The following DGKI variants were observed in gnomAD, a reference collection of about 807,000 sequenced individuals.
DGKI encodes DAG kinase iota.
In DGKI, 55 loss-of-function variants were observed where a neutral mutation model predicts 147.5. The observed-to-expected ratio is 0.37, with a 90% CI of 0.30 to 0.47. The LOEUF is 0.47. Among genes scored for constraint, DGKI ranks in the 20% least tolerant of loss-of-function variants. DGKI has a pLI of 1.00. For missense variants in DGKI, 1,007 were observed against 1,323.8 expected (o/e 0.76, Z 3.71); for synonymous variants, 469 against 477.1 (o/e 0.98, Z 0.22).
At chr7:137,469,347 C>T (rs769357097) in intron 24 of DGKI, among the ~76,000 whole-genome samples, 1 of 152,174 alleles carries the variant, frequency 6.6e-6, no homozygotes, top group South Asian at 2.1e-4. Context: ...GTTAACCAAG[C>T]TGTGTTGAGG....
At chr7:137,603,537 C>T (rs1302967521) in intron 10 of DGKI, among the ~76,000 whole-genome samples, 3 of 152,058 alleles carry the variant, frequency 2.0e-5, no homozygotes, top group Non-Finnish European at 2.9e-5. Flanking sequence ...CCATGTGTAC[C>T]GTCGGGATCT....
In DGKI at chr7:137,650,711, G is replaced by A. The variant is rs1309353397; in HGVS notation, c.738+4021C>T. Among the ~76,000 whole-genome samples the A allele has an allele frequency of 3.3e-5, 5 of 152,178 alleles. No individual in the cohort carries two copies. In the South Asian group the frequency reaches 1.0e-3, roughly 32 times the overall value. ...GCCCTCACTAGAATTGGACCACGCT[G>A]GTACATTGATCTTGGACTTCCAGCT... is the stretch of plus-strand genomic sequence containing the variant. On this transcript the variant is annotated intron_variant, in intron 5 of 32. Transcript: ENST00000614521.
chr7:137,393,207 T>C (rs1291407910), intron 32 of DGKI, among the ~76,000 whole-genome samples: 1 of 132,410 alleles, frequency 7.6e-6, no homozygotes, highest in Non-Finnish European at 1.7e-5. Context: ...TTTATAATTA[T>C]AAAAACAAGC....
intron 17 of DGKI, among the ~76,000 whole-genome samples, chr7:137,576,328 G>A (rs1178715551): frequency 2.6e-5 from 4 of 152,006 alleles, no homozygotes; most frequent in South Asian, 2.1e-4. Flanking sequence ...ATGAGCCACC[G>A]CGCCTGGCCC....
intron 1 of DGKI, among the ~76,000 whole-genome samples, chr7:137,834,491 TTC>T (rs1798307102): frequency 6.6e-6 from 1 of 152,232 alleles, no homozygotes; most frequent in Non-Finnish European, 1.5e-5. Context: ...GTATTACTTC[TTC>T]TGAGTCTGAC....
At chr7:137,762,530 G>GT (rs1287382096) in intron 1 of DGKI, among the ~76,000 whole-genome samples, 4 of 152,162 alleles carry the variant, frequency 2.6e-5, no homozygotes, top group Non-Finnish European at 4.4e-5. Flanking sequence ...TTGCAAATTG[G>GT]TTTTCCATGT....
chr7:137,493,906 C>T (rs1233182546), intron 21 of DGKI: 2 of 614,220 alleles, frequency 3.3e-6, no homozygotes, highest in South Asian at 1.9e-5. Context: ...AGAAAGTTAA[C>T]ACCCAATCCA....
chr7:137,721,581 G>T (rs1794559812), intron 1 of DGKI, among the ~76,000 whole-genome samples: 1 of 152,106 alleles, frequency 6.6e-6, no homozygotes, highest in African/African-American at 2.4e-5. Flanking sequence ...CCCTCCACCT[G>T]CTTGCTTTCC....
intron 27 of DGKI, among the ~76,000 whole-genome samples, chr7:137,444,415 C>A (rs1585121044): frequency 6.6e-6 from 1 of 152,162 alleles, no homozygotes; most frequent in Non-Finnish European, 1.5e-5. Flanking sequence ...AGATGAAATC[C>A]TGTGATGTGT....
At chr7:137,572,306 G>T (rs375477711) in intron 18 of DGKI, among the ~76,000 whole-genome samples, 1 of 152,296 alleles carries the variant, frequency 6.6e-6, no homozygotes, top group African/African-American at 2.4e-5. Context: ...ATCCTGGCTA[G>T]AAAACAATAC....
At chr7:137,576,597 T>C (rs939574745) in intron 17 of DGKI, among the ~76,000 whole-genome samples, 2 of 152,174 alleles carry the variant, frequency 1.3e-5, no homozygotes, top group African/African-American at 4.8e-5. Flanking sequence ...AAGATAAATT[T>C]CTCTCTCCCT....
At chr7:137,642,594 T>C (rs1331258596) in intron 6 of DGKI, among the ~76,000 whole-genome samples, 1 of 152,144 alleles carries the variant, frequency 6.6e-6, no homozygotes, top group African/African-American at 2.4e-5. Context: ...TGAATGACAA[T>C]GAAAAACCAC....
chr7:137,392,837 G>A (rs1274588901), intron 32 of DGKI, among the ~76,000 whole-genome samples: 2 of 127,084 alleles, frequency 1.6e-5, no homozygotes, highest in African/African-American at 6.0e-5. Context: ...TTCTCAGGAT[G>A]CTGCTTCTCT....
chr7:137,811,211 T>C (rs1797557365), intron 1 of DGKI, among the ~76,000 whole-genome samples: 1 of 152,128 alleles, frequency 6.6e-6, no homozygotes, highest in Admixed American at 6.5e-5. Flanking sequence ...ACTCCTTACC[T>C]ACTGCTGTCA....
chr7:137,821,711 T>C lies in DGKI; in HGVS notation c.401+24751A>G, dbSNP rs537320060. On this transcript the variant is annotated intron_variant, in intron 1 of 32. Coordinates refer to ENST00000614521, the MANE Select transcript of DGKI (RefSeq NM_001321708.2). Reference sequence around the variant, plus strand: ...AGGAGATGACAATAAAAGAGACAGATGACAACCTTTTTGGAAGCTGCGAAG... The same window carrying C: ...AGGAGATGACAATAAAAGAGACAGACGACAACCTTTTTGGAAGCTGCGAAG... Among the ~76,000 whole-genome samples, 395 of 150,482 alleles carry C rather than the reference T, an allele frequency of 2.6e-3. 4 individuals carry two copies. The highest frequency in any genetic ancestry group is 4.0e-3 in the Non-Finnish European group (274 of 67,684).
chr7:137,703,536 A>G (rs1315613192), intron 1 of DGKI, among the ~76,000 whole-genome samples: 2 of 152,240 alleles, frequency 1.3e-5, no homozygotes, highest in African/African-American at 4.8e-5. Context: ...GACATGCCCC[A>G]CAATTCATAC....
chr7:137,813,112 A>C (rs1464889675), intron 1 of DGKI, among the ~76,000 whole-genome samples: 1 of 152,224 alleles, frequency 6.6e-6, no homozygotes, highest in Non-Finnish European at 1.5e-5. Flanking sequence ...AACAACCCTA[A>C]GAGGCAGGGT....
intron 28 of DGKI, among the ~76,000 whole-genome samples, chr7:137,441,326 C>A (rs1255464013): frequency 1.4e-5 from 2 of 145,450 alleles, no homozygotes; most frequent in Non-Finnish European, 3.0e-5. Flanking sequence ...GAGGCTGAGG[C>A]AGGAGAATGG....
intron 5 of DGKI, among the ~76,000 whole-genome samples, chr7:137,653,771 T>C (rs1334959473): frequency 6.6e-6 from 1 of 152,152 alleles, no homozygotes; most frequent in Non-Finnish European, 1.5e-5. Flanking sequence ...CTGAACCTCG[T>C]CTCCCTGAGA....
Sources: gnomAD v4.1 joint callset for allele counts (sites outside exome capture counted in the v4.1 genomes callset) on GRCh38, gnomAD v4.1.1 for gene constraint, MANE v1.5 for transcripts, NCBI Gene and HGNC (gene_info 2026-07-23, HGNC 2026-07-21) for gene names.